SPIDR: variants seen among roughly 807,000 people sequenced by gnomAD.
SPIDR encodes the protein scaffold protein involved in DNA repair.
A neutral mutation model predicts 104.6 loss-of-function variants in SPIDR; 93 were observed. The ratio of observed to expected loss-of-function variants is 0.89; its 90% CI spans 0.75 to 1.06. SPIDR has a LOEUF of 1.06. Among genes scored for constraint, SPIDR ranks in the 50% least tolerant of loss-of-function variants. The probability of loss-of-function intolerance (pLI) is 0.00; values close to 1 mark genes in which losing one functional copy is unlikely to be tolerated. For missense variants in SPIDR, 1,154 were observed against 1,111.2 expected (o/e 1.04, Z -0.55); for synonymous variants, 431 against 416.9 (o/e 1.03, Z -0.41).
chr8:47,457,460 T>C (rs1369783306), intron 8 of SPIDR, among the ~76,000 whole-genome samples: 2 of 152,088 alleles, frequency 1.3e-5, no homozygotes, highest in Admixed American at 1.3e-4. Context: ...GGATTGTTGC[T>C]AATTTGTTTG....
rs1178824648 is a variant in SPIDR, at chr8:47,261,752, C to A, written c.33+761C>A. ...ATATACTGGTTCAACTTCTTTACCACTACCATGCTTTCTCGCTTCTCAAAT... is the reference window on the plus strand; with the variant it reads ...ATATACTGGTTCAACTTCTTTACCAATACCATGCTTTCTCGCTTCTCAAAT... On this transcript the variant is annotated intron_variant, in intron 1 of 19. Transcript: ENST00000297423. Among the ~76,000 whole-genome samples, 3 of 152,200 alleles carry A rather than the reference C, an allele frequency of 2.0e-5. No individual in the cohort carries two copies. In the East Asian group the frequency reaches 5.8e-4, roughly 29 times the overall value.
chr8:47,370,713 G>A (rs1209304554), intron 5 of SPIDR, among the ~76,000 whole-genome samples: 5 of 151,752 alleles, frequency 3.3e-5, no homozygotes, highest in African/African-American at 1.2e-4. Flanking sequence ...GCCTCCCAAA[G>A]TGCTGTGATT....
chr8:47,537,804 G>A (rs1324678067), intron 8 of SPIDR, among the ~76,000 whole-genome samples: 2 of 152,126 alleles, frequency 1.3e-5, no homozygotes, highest in Non-Finnish European at 2.9e-5. Flanking sequence ...GAGGGTATAT[G>A]GGAACTCTCA....
At chr8:47,366,450 A>C (rs1406326326) in intron 5 of SPIDR, among the ~76,000 whole-genome samples, 1 of 152,162 alleles carries the variant, frequency 6.6e-6, no homozygotes, top group African/African-American at 2.4e-5. Flanking sequence ...GTGCACAGAC[A>C]GAAAGAACAG....
intron 8 of SPIDR, among the ~76,000 whole-genome samples, chr8:47,473,673 A>G (rs1554722219): frequency 6.6e-6 from 1 of 152,130 alleles, no homozygotes. Context: ...TCTTTTCTAC[A>G]CTATGAGCTT....
rs2072890997 is a variant in SPIDR at position 47,656,716 on chromosome 8, CAT to C, written c.1545-17084_1545-17083del. ...CCATGTAACTTCTACAGAGTCACTC[CAT>C]GGCAACATTACTCACAATGCAAAAA... On this transcript the variant is annotated intron_variant, in intron 10 of 19. Transcript: ENST00000297423. Among the ~76,000 whole-genome samples, 3 of 152,274 alleles carry C rather than the reference CAT, an allele frequency of 2.0e-5. No individual in the cohort carries two copies. The South Asian group carries it at 6.2e-4, about 32-fold the overall frequency.
At chr8:47,489,478 T>C (rs556931359) in intron 8 of SPIDR, among the ~76,000 whole-genome samples, 234 of 152,292 alleles carry the variant, frequency 1.5e-3, no homozygotes, top group African/African-American at 5.3e-3. Context: ...CCAATGACTT[T>C]CTTCACAGAA....
At chr8:47,570,160 T>C (rs1031220566) in intron 8 of SPIDR, among the ~76,000 whole-genome samples, 3 of 152,148 alleles carry the variant, frequency 2.0e-5, no homozygotes, top group Admixed American at 1.3e-4. Context: ...GGACTCACCC[T>C]TTCCAATTTA....
intron 7 of SPIDR, among the ~76,000 whole-genome samples, chr8:47,431,377 A>T (rs2067341325): frequency 6.6e-6 from 1 of 152,140 alleles, no homozygotes; most frequent in Non-Finnish European, 1.5e-5. Context: ...AATCTGTAAC[A>T]CACCCCTGTT....
intron 3 of SPIDR, among the ~76,000 whole-genome samples, chr8:47,287,753 C>G (rs1429230387): frequency 1.3e-5 from 2 of 152,102 alleles, no homozygotes; most frequent in African/African-American, 4.8e-5. Flanking sequence ...TTATTCTGTT[C>G]TTTTTCAAGG....
At chr8:47,431,612 G>A (rs2067375475) in intron 7 of SPIDR, among the ~76,000 whole-genome samples, 1 of 152,134 alleles carries the variant, frequency 6.6e-6, no homozygotes, top group Admixed American at 6.5e-5. Context: ...GACTGCTCTC[G>A]TCACTGGGGA....
intron 5 of SPIDR, among the ~76,000 whole-genome samples, chr8:47,369,712 T>G (rs564739917): frequency 6.6e-6 from 1 of 152,374 alleles, no homozygotes; most frequent in South Asian, 2.1e-4. Flanking sequence ...ATGGCAGTTA[T>G]GAAGAGGATA....
chr8:47,606,854 T>C (rs2063018826), intron 10 of SPIDR, among the ~76,000 whole-genome samples: 1 of 152,234 alleles, frequency 6.6e-6, no homozygotes, highest in Non-Finnish European at 1.5e-5. Context: ...TATTCTTGAC[T>C]CTGCCTCCTT....
chr8:47,466,887 G>GAAAA (rs148299700), intron 8 of SPIDR, among the ~76,000 whole-genome samples: 51 of 48,960 alleles, frequency 1.0e-3, no homozygotes, highest in South Asian at 5.6e-3. Flanking sequence ...AGTTTTTTTT[G>GAAAA]AAAAAAAAAA....
At chr8:47,699,965 A>G (rs1246423303) in intron 11 of SPIDR, among the ~76,000 whole-genome samples, 3 of 152,222 alleles carry the variant, frequency 2.0e-5, no homozygotes, top group African/African-American at 4.8e-5. Flanking sequence ...TCAGATAACC[A>G]CTAAAAACAT....
In SPIDR at chr8:47,627,035, A is replaced by G. The variant is rs557358620; in HGVS notation, c.1544+27839A>G. On this transcript the variant is annotated intron_variant, in intron 10 of 19. Transcript: ENST00000297423. The stretch of plus-strand genomic sequence containing the variant: ...TGGATTAAGCAAATGTGGCACATAT[A>G]CACCATGGAATACTATGCAGCCATA... Among the ~76,000 whole-genome samples, 4 of 152,370 alleles carry G rather than the reference A, an allele frequency of 2.6e-5. No homozygotes were observed. In the East Asian group the frequency reaches 5.8e-4, roughly 22 times the overall value.
intron 8 of SPIDR, among the ~76,000 whole-genome samples, chr8:47,590,410 G>T (rs2060861400): frequency 6.6e-6 from 1 of 151,986 alleles, no homozygotes; most frequent in Non-Finnish European, 1.5e-5. Context: ...CATTTTCATT[G>T]AGACTTCCTC....
At chr8:47,279,818 T>A in intron 1 of SPIDR, 44 bp from the exon 2 acceptor site, 1 of 1,563,884 alleles carries the variant, frequency 6.4e-7, no homozygotes, top group Admixed American at 1.9e-5. Flanking sequence ...GAAGTTGATT[T>A]TGTTTTTTTG....
Position 47,713,595 on chromosome 8 carries a change from C to G in SPIDR, c.2295C>G (p.Asp765Glu). The stretch of plus-strand genomic sequence containing the variant: ...AGCTGCCTGGCCCGGTGATGCTCGA[C>G]AGCCTGGACTCTGCAACACCTGTCA... ...SCELPGPVML[D>E]SLDSATPVNS... Residue 765 changes from aspartate to glutamate, a missense_variant, in exon 16 of 20, where the codon GAC becomes GAG. By Grantham distance (45) the Asp-to-Glu change is conservative. Coordinates refer to ENST00000297423, the MANE Select transcript of SPIDR (RefSeq NM_001080394.4). The G allele has an allele frequency of 1.2e-6, 2 of 1,614,182 alleles. No individual in the cohort carries two copies. Among genetic ancestry groups the G allele is most frequent in the Non-Finnish European group, 1.7e-6 (2 of 1,180,046 alleles).
Sources: gnomAD v4.1 joint callset for allele counts (sites outside exome capture counted in the v4.1 genomes callset) on GRCh38, gnomAD v4.1.1 for gene constraint, MANE v1.5 for transcripts, NCBI Gene and HGNC (gene_info 2026-07-23, HGNC 2026-07-21) for gene names.